The following CNTNAP2 variants were observed in gnomAD, a reference collection of about 807,000 sequenced individuals.
CNTNAP2 encodes contactin associated protein 2.
In CNTNAP2, 98 loss-of-function variants were observed where a neutral mutation model predicts 155.2. The observed-to-expected ratio is 0.63, with a 90% CI of 0.54 to 0.75. The LOEUF is 0.75. Ranked by LOEUF, CNTNAP2 falls within the 30% of genes least tolerant of loss-of-function variation. The pLI is 0.00. For synonymous variants in CNTNAP2, 651 were observed against 631.2 expected (o/e 1.03, Z -0.47); for missense variants, 1,727 against 1,688.1 (o/e 1.02, Z -0.40).
At chr7:147,621,590 G>A (rs1044483467) in intron 12 of CNTNAP2, among the ~76,000 whole-genome samples, 4 of 151,726 alleles carry the variant, frequency 2.6e-5, no homozygotes, top group Non-Finnish European at 5.9e-5. Context: ...TGTGTTATAA[G>A]ATAGTATTTG....
rs1796203725 is a variant in CNTNAP2 at position 146,908,744 on chromosome 7, A to G, written c.402+68840A>G. Reference sequence around the variant, plus strand: ...CCCTAACATCACAGTTAAAAGAACTAGAAAAGCAAGAGCAAACACATTCAA... The same window carrying G: ...CCCTAACATCACAGTTAAAAGAACTGGAAAAGCAAGAGCAAACACATTCAA... On this transcript the variant is annotated intron_variant, in intron 3 of 23. Transcript: ENST00000361727. 4.3e-5 allele frequency among the ~76,000 whole-genome samples: 6 copies of G among 139,278 alleles called. No homozygotes were observed. The South Asian group carries it at 1.4e-3, about 33-fold the overall frequency. The allele number at this position is 139,278 out of a possible 152,430, so 91.4% of individuals were successfully genotyped here. A position where few individuals can be genotyped will look rare whatever the true frequency, so the allele number is the denominator to read the frequency against.
At chr7:146,219,189 A>T (rs1799166055) in intron 1 of CNTNAP2, among the ~76,000 whole-genome samples, 1 of 152,018 alleles carries the variant, frequency 6.6e-6, no homozygotes, top group African/African-American at 2.4e-5. Context: ...ATGATCATAA[A>T]TCACCTCCCA....
chr7:146,774,304 C>G lies in CNTNAP2; in HGVS notation c.131C>G (p.Pro44Arg), dbSNP rs1802349423. The G allele has an allele frequency of 1.2e-6, 2 of 1,613,892 alleles. No homozygotes were observed. ...KCDEPLVSGL[P>R]HVAFSSSSSI... ...GATGAGCCACTTGTCTCTGGACTCC[C>G]CCATGTGGCTTTCAGCAGCTCCTCC... The change falls in exon 2 of 24, where the codon CCC becomes CGC. Residue 44 changes from proline (P) to arginine (R), a missense_variant. Coordinates refer to ENST00000361727, the MANE Select transcript of CNTNAP2 (RefSeq NM_014141.6).
intron 1 of CNTNAP2, among the ~76,000 whole-genome samples, chr7:146,644,098 C>T (rs1326181735): frequency 6.6e-6 from 1 of 152,172 alleles, no homozygotes; most frequent in African/African-American, 2.4e-5. Flanking sequence ...ACAATCATGT[C>T]GTCTGCAAAC....
chr7:146,130,127 G>A (rs1797693109), intron 1 of CNTNAP2, among the ~76,000 whole-genome samples: 1 of 152,154 alleles, frequency 6.6e-6, no homozygotes, highest in African/African-American at 2.4e-5. Context: ...CCGCTTAATT[G>A]TCTATCAGCA....
At chr7:147,052,524 T>C (rs1799491805) in intron 4 of CNTNAP2, among the ~76,000 whole-genome samples, 1 of 152,078 alleles carries the variant, frequency 6.6e-6, no homozygotes, top group South Asian at 2.1e-4. Flanking sequence ...CTACAAAATA[T>C]TGAAATAATT....
intron 15 of CNTNAP2, among the ~76,000 whole-genome samples, chr7:148,073,982 C>A (rs1803430126): frequency 6.6e-6 from 1 of 152,008 alleles, no homozygotes; most frequent in Non-Finnish European, 1.5e-5. Flanking sequence ...AACCAATCCC[C>A]CATAGATAGC....
chr7:146,831,314 G>A (rs575358822), intron 2 of CNTNAP2, among the ~76,000 whole-genome samples: 67 of 152,068 alleles, frequency 4.4e-4, no homozygotes, highest in Admixed American at 3.5e-3. Context: ...AAATATTCAA[G>A]AAAGCTAAGA....
intron 8 of CNTNAP2, among the ~76,000 whole-genome samples, chr7:147,279,601 T>G (rs1804982889): frequency 6.6e-6 from 1 of 151,838 alleles, no homozygotes; most frequent in South Asian, 2.1e-4. Context: ...TATTATTAAG[T>G]GCCTAGTTAA....
intron 8 of CNTNAP2, among the ~76,000 whole-genome samples, chr7:147,188,800 G>T (rs1214149373): frequency 6.6e-6 from 1 of 152,156 alleles, no homozygotes; most frequent in Admixed American, 6.5e-5. Flanking sequence ...TTTGATGTGA[G>T]TGATATGAGC....
chr7:147,997,929 G>T (rs1251771907), intron 15 of CNTNAP2, among the ~76,000 whole-genome samples: 2 of 151,868 alleles, frequency 1.3e-5, no homozygotes, highest in South Asian at 2.1e-4. Flanking sequence ...ATGAACAAAG[G>T]GTCAGTCTGA....
At chr7:148,027,497 T>C (rs1358014967) in intron 15 of CNTNAP2, among the ~76,000 whole-genome samples, 1 of 152,240 alleles carries the variant, frequency 6.6e-6, no homozygotes, top group Non-Finnish European at 1.5e-5. Flanking sequence ...GTTCATGGAA[T>C]GTTACAACTG....
chr7:147,103,817 T>C (rs997855720), intron 4 of CNTNAP2, among the ~76,000 whole-genome samples: 8 of 152,026 alleles, frequency 5.3e-5, no homozygotes, highest in Non-Finnish European at 8.8e-5. Context: ...CAAATATCAA[T>C]AATGCAGTCT....
intron 2 of CNTNAP2, 57 bp from the exon 3 acceptor site, chr7:146,839,654 T>A: frequency 6.4e-7 from 1 of 1,569,232 alleles, no homozygotes; most frequent in Non-Finnish European, 8.8e-7. Context: ...CCATTGTCAG[T>A]TGTACAAGTT....
chr7:146,549,173 CTA>C (rs1798078043), intron 1 of CNTNAP2, among the ~76,000 whole-genome samples: 1 of 151,530 alleles, frequency 6.6e-6, no homozygotes, highest in Non-Finnish European at 1.5e-5. Context: ...AATTTTAACA[CTA>C]TACATTTTCT....
chr7:146,813,986 T>G (rs1281217765), intron 2 of CNTNAP2, among the ~76,000 whole-genome samples: 1 of 152,114 alleles, frequency 6.6e-6, no homozygotes, highest in African/African-American at 2.4e-5. Flanking sequence ...TACTTCCCCT[T>G]CCATCATAAT....
chr7:147,412,827 A>C (rs2116491367), intron 10 of CNTNAP2, among the ~76,000 whole-genome samples: 1 of 152,316 alleles, frequency 6.6e-6, no homozygotes, highest in East Asian at 1.9e-4. Context: ...GGACTATATA[A>C]ACTAAGGCAT....
At chr7:147,127,070 T>C (rs984076800) in intron 6 of CNTNAP2, among the ~76,000 whole-genome samples, 9 of 152,288 alleles carry the variant, frequency 5.9e-5, no homozygotes, top group Admixed American at 6.5e-5. Flanking sequence ...TTACTGTCAG[T>C]TGGGGAAAAA....
At chr7:148,265,731 G>A (rs1563017707) in intron 20 of CNTNAP2, among the ~76,000 whole-genome samples, 1 of 152,174 alleles carries the variant, frequency 6.6e-6, no homozygotes, top group Non-Finnish European at 1.5e-5. Context: ...AGTTCTGTGG[G>A]TCAAAAATCT....
Sources: allele counts gnomAD v4.1 joint callset (sites outside exome capture counted in the v4.1 genomes callset), GRCh38; gene constraint gnomAD v4.1.1; transcripts MANE v1.5; gene names NCBI Gene and HGNC (gene_info 2026-07-23, HGNC 2026-07-21).